Variants in NTNG1 observed in about 807,000 individuals in gnomAD.
The protein encoded by NTNG1 is netrin-G1.
NTNG1 carries 16 observed loss-of-function variants against 54.0 expected under a neutral mutation model. The ratio of observed to expected loss-of-function variants is 0.30; its 90% confidence interval spans 0.20 to 0.45. The LOEUF (loss-of-function observed/expected upper bound fraction) is 0.45, where lower values mean the gene tolerates loss of function less well. Ranked by LOEUF, NTNG1 falls within the 20% of genes least tolerant of loss-of-function variation. The probability of loss-of-function intolerance (pLI) is 1.00; values close to 1 mark genes in which losing one functional copy is unlikely to be tolerated. For missense variants in NTNG1, 530 were observed against 678.7 expected, an observed-to-expected ratio of 0.78 and a Z score of 2.43; for synonymous variants, 255 against 263.1, an observed-to-expected ratio of 0.97 and a Z score of 0.30.
intron 6 of NTNG1, among the ~76,000 whole-genome samples, chr1:107,433,884 G>A (rs1053475236): frequency 1.3e-5 from 2 of 152,180 alleles, no homozygotes; most frequent in African/African-American, 4.8e-5. Flanking sequence ...TTTGCCCTAT[G>A]AGACAGCATG....
intron 7 of NTNG1, among the ~76,000 whole-genome samples, chr1:107,446,792 C>G (rs1439332577): frequency 6.6e-6 from 1 of 152,062 alleles, no homozygotes; most frequent in African/African-American, 2.4e-5. Flanking sequence ...TTATCCATTG[C>G]TACAAGGAGG....
Position 107,244,985 on chromosome 1 carries a change from A to G in NTNG1, c.247-79297A>G, listed in dbSNP as rs200096002. On this transcript the variant is annotated intron_variant, in intron 2 of 7. Transcript: ENST00000370068. ...CTCCTGCTGATACTGATAGAGCCAT[A>G]GCCAGGTGAGCAGTAAATAAAGAAG... 5.3e-5 allele frequency among the ~76,000 whole-genome samples: 8 copies of G among 152,338 alleles called. No individual in the cohort carries two copies. In the East Asian group the frequency reaches 1.5e-3, roughly 29 times the overall value.
At chr1:107,368,927 C>T (rs776849805) in intron 3 of NTNG1, among the ~76,000 whole-genome samples, 2 of 152,200 alleles carry the variant, frequency 1.3e-5, no homozygotes, top group Non-Finnish European at 1.5e-5. Context: ...TCACCACAAG[C>T]TAAGTAGTGA....
intron 2 of NTNG1, among the ~76,000 whole-genome samples, chr1:107,192,107 T>G (rs903554665): frequency 2.6e-5 from 4 of 152,188 alleles, no homozygotes; most frequent in East Asian, 1.9e-4. Context: ...ATTTCATTGA[T>G]CAGTGGTTTG....
intron 2 of NTNG1, among the ~76,000 whole-genome samples, chr1:107,226,879 G>T (rs976487383): frequency 5.9e-5 from 9 of 151,988 alleles, no homozygotes; most frequent in Admixed American, 5.9e-4. Context: ...TGCTGTTTTG[G>T]GGCCTCCAAA....
chr1:107,264,288 T>A (rs905583093), intron 2 of NTNG1, among the ~76,000 whole-genome samples: 1 of 152,156 alleles, frequency 6.6e-6, no homozygotes, highest in African/African-American at 2.4e-5. Context: ...AGACTTCTTA[T>A]CGATCATCTG....
At chr1:107,250,095 C>T (rs1364112125) in intron 2 of NTNG1, among the ~76,000 whole-genome samples, 2 of 152,144 alleles carry the variant, frequency 1.3e-5, no homozygotes, top group Non-Finnish European at 2.9e-5. Flanking sequence ...ATGAAGCCTT[C>T]CTTGGCACAA....
intron 2 of NTNG1, among the ~76,000 whole-genome samples, chr1:107,191,720 C>T (rs1657946087): frequency 2.6e-5 from 4 of 151,078 alleles, no homozygotes; most frequent in Admixed American, 2.6e-4. Flanking sequence ...TCAGGTTTGT[C>T]AAAGATCAGA....
chr1:107,347,187 G>A (rs1382244263), intron 3 of NTNG1, among the ~76,000 whole-genome samples: 1 of 152,098 alleles, frequency 6.6e-6, no homozygotes, highest in Non-Finnish European at 1.5e-5. Context: ...TTCTCTCTGA[G>A]CAATAGTTTC....
chr1:107,305,498 C>T (rs1557885100), intron 2 of NTNG1, among the ~76,000 whole-genome samples: 1 of 151,850 alleles, frequency 6.6e-6, no homozygotes, highest in Non-Finnish European at 1.5e-5. Flanking sequence ...TGATGATTAG[C>T]TTTTTTTTCA....
intron 4 of NTNG1, among the ~76,000 whole-genome samples, chr1:107,403,801 T>A (rs945779906): frequency 1.3e-5 from 2 of 152,056 alleles, no homozygotes; most frequent in Non-Finnish European, 2.9e-5. Flanking sequence ...TGCTCTGATG[T>A]TGACTATAAA....
intron 7 of NTNG1, among the ~76,000 whole-genome samples, chr1:107,475,542 A>C (rs1678261059): frequency 6.6e-6 from 1 of 152,184 alleles, no homozygotes; most frequent in Non-Finnish European, 1.5e-5. Context: ...TACTCCCTGA[A>C]GAAGATAATC....
intron 2 of NTNG1, among the ~76,000 whole-genome samples, chr1:107,298,599 T>C (rs1666126793): frequency 6.6e-6 from 1 of 152,220 alleles, no homozygotes; most frequent in African/African-American, 2.4e-5. Context: ...GATAATATTC[T>C]ATTGCATCAA....
chr1:107,439,862 G>T (rs1250264765), intron 7 of NTNG1, among the ~76,000 whole-genome samples: 1 of 151,802 alleles, frequency 6.6e-6, no homozygotes, highest in Non-Finnish European at 1.5e-5. Flanking sequence ...GGTGCTGGAA[G>T]GTTGATAATT....
intron 2 of NTNG1, among the ~76,000 whole-genome samples, chr1:107,205,386 C>T (rs1659097080): frequency 1.3e-5 from 2 of 152,108 alleles, no homozygotes; most frequent in African/African-American, 4.8e-5. Flanking sequence ...ACTTATCCAG[C>T]GTTTCCTTGT....
At chr1:107,351,245 C>G (rs1290210511) in intron 3 of NTNG1, among the ~76,000 whole-genome samples, 1 of 152,132 alleles carries the variant, frequency 6.6e-6, no homozygotes, top group African/African-American at 2.4e-5. Context: ...GTCCATGACC[C>G]ACCTGGAGAT....
chr1:107,247,013 G>A (rs1487992191), intron 2 of NTNG1, among the ~76,000 whole-genome samples: 1 of 152,162 alleles, frequency 6.6e-6, no homozygotes, highest in African/African-American at 2.4e-5. Flanking sequence ...TAGAAACCCA[G>A]CGGATTCGGA....
intron 2 of NTNG1, among the ~76,000 whole-genome samples, chr1:107,165,626 A>G (rs896064208): frequency 6.6e-6 from 1 of 152,300 alleles, no homozygotes; most frequent in East Asian, 1.9e-4. Context: ...GCAATTAAGT[A>G]TAGTGCCTGA....
intron 2 of NTNG1, among the ~76,000 whole-genome samples, chr1:107,323,233 A>G (rs2101874897): frequency 6.6e-6 from 1 of 152,220 alleles, no homozygotes; most frequent in Non-Finnish European, 1.5e-5. Flanking sequence ...AATAAGAAAC[A>G]CCTGAATAGT....
Sources: gnomAD v4.1 joint callset for allele counts (sites outside exome capture counted in the v4.1 genomes callset) on GRCh38, gnomAD v4.1.1 for gene constraint, MANE v1.5 for transcripts, NCBI Gene and HGNC (gene_info 2026-07-23, HGNC 2026-07-21) for gene names.